Variants in TTBK2 observed in about 807,000 individuals in gnomAD.
TTBK2 encodes the protein tau-tubulin kinase 2.
Under a neutral mutation model 110.8 loss-of-function variants are expected in TTBK2, and 28 were observed. That is an observed-to-expected ratio of 0.25 (90% CI 0.19 to 0.35). TTBK2 has a LOEUF of 0.35. Ranked by LOEUF, TTBK2 falls within the 10% of genes least tolerant of loss-of-function variation. TTBK2 has a pLI of 1.00. For synonymous variants in TTBK2, 532 were observed against 527.3 expected (o/e 1.01, Z -0.12); for missense variants, 1,369 against 1,500.3 (o/e 0.91, Z 1.45).
chr15:42,862,646 T>C (rs770852243), intron 3 of TTBK2, among the ~76,000 whole-genome samples: 10 of 152,102 alleles, frequency 6.6e-5, no homozygotes, highest in Admixed American at 1.3e-4. Flanking sequence ...CCCAGCACTT[T>C]GGGAGGCGGA....
At chr15:42,902,303 C>T (rs1362464379) in intron 1 of TTBK2, among the ~76,000 whole-genome samples, 2 of 151,490 alleles carry the variant, frequency 1.3e-5, no homozygotes, top group Non-Finnish European at 2.9e-5. Context: ...GGTGGATCAC[C>T]TCAGGTCTGG....
At chr15:42,764,654 C>T (rs1018135455) in intron 13 of TTBK2, among the ~76,000 whole-genome samples, 3 of 152,268 alleles carry the variant, frequency 2.0e-5, no homozygotes, top group African/African-American at 4.8e-5. Context: ...CCTGCTGCCT[C>T]TGTAGACTCC....
rs531968291 is a variant in TTBK2 at position 42,900,646 on chromosome 15, C to T, written c.-68+19792G>A. 2.0e-5 allele frequency among the ~76,000 whole-genome samples: 3 copies of T among 151,894 alleles called. No individual in the cohort carries two copies. The South Asian group carries it at 6.2e-4, about 32-fold the overall frequency. ...CTGAGTCAGGAGAATCGCTTGAACC[C>T]GGGAGGTGGAGGTTGCAGCAGTGAG... On this transcript the variant is annotated intron_variant, in intron 1 of 14. Transcript: ENST00000267890.
intron 4 of TTBK2, among the ~76,000 whole-genome samples, chr15:42,837,645 G>C (rs1893044513): frequency 8.2e-6 from 1 of 121,676 alleles, no homozygotes; most frequent in Non-Finnish European, 1.6e-5. Flanking sequence ...GTGACAGAGT[G>C]AGACTCTGTC....
chr15:42,849,536 T>C (rs1431192094), intron 3 of TTBK2, among the ~76,000 whole-genome samples: 1 of 152,216 alleles, frequency 6.6e-6, no homozygotes, highest in Non-Finnish European at 1.5e-5. Context: ...TTCTGGACAT[T>C]TTGAATATTA....
rs141028057 is a variant in TTBK2, at chr15:42,810,812, C to T, written c.697-73G>A. 6.8e-4 allele frequency: 1,070 copies of T among 1,564,350 alleles called. 5 individuals are homozygous for T. The African/African-American group carries it at 0.013, about 19-fold the overall frequency. On this transcript the variant is annotated intron_variant, in intron 8 of 14. Transcript: ENST00000267890. ...TAGGCATTAAGAGCCCCTCAGTAAC[C>T]GTCTCAAGGGTATGTACTAGGGAAT...
chr15:42,827,951 T>C lies in TTBK2; in HGVS notation c.514A>G (p.Asn172Asp). Residue 172 changes from asparagine (N) to aspartate (D), a missense_variant, in exon 6 of 15, where the codon AAT (asparagine) becomes GAT (aspartate). Coordinates refer to ENST00000267890, the MANE Select transcript of TTBK2 (RefSeq NM_173500.4). ...LDFGLARQFTNSCGDVRPPRA... is the reference protein window; with the variant it reads ...LDFGLARQFTDSCGDVRPPRA... The stretch of plus-strand genomic sequence containing the variant: ...ACTGGTCTGACGTCACCACAGGAAT[T>C]GGTAAATTGTCGAGCCAAGCCAAAA... 6.2e-7 allele frequency: 1 copy of C among 1,613,586 alleles called. No individual in the cohort carries two copies. The highest frequency in any genetic ancestry group is 8.5e-7 in the Non-Finnish European group (1 of 1,179,742).
chr15:42,865,378 T>C (rs1430721978), intron 3 of TTBK2, among the ~76,000 whole-genome samples: 1 of 152,044 alleles, frequency 6.6e-6, no homozygotes, highest in Non-Finnish European at 1.5e-5. Context: ...GAGGATCACT[T>C]GAGCCCAGGA....
intron 10 of TTBK2, among the ~76,000 whole-genome samples, chr15:42,792,064 G>C (rs1341800029): frequency 1.3e-5 from 2 of 152,158 alleles, no homozygotes; most frequent in African/African-American, 4.8e-5. Context: ...TTGAACCTGA[G>C]AGGCGGAGGT....
chr15:42,827,060 G>GT (rs1567046440), intron 6 of TTBK2, among the ~76,000 whole-genome samples: 1 of 152,298 alleles, frequency 6.6e-6, no homozygotes, highest in South Asian at 2.1e-4. Context: ...AAACAATAAA[G>GT]TAACTGGCTT....
chr15:42,864,729 A>C (rs1411577173), intron 3 of TTBK2, among the ~76,000 whole-genome samples: 1 of 152,166 alleles, frequency 6.6e-6, no homozygotes, highest in Non-Finnish European at 1.5e-5. Context: ...CTTCTCTTAC[A>C]AGACATGTTA....
At chr15:42,837,357 CAA>C (rs962772134) in intron 4 of TTBK2, among the ~76,000 whole-genome samples, 21 of 56,284 alleles carry the variant, frequency 3.7e-4, no homozygotes, top group South Asian at 5.9e-4. Context: ...GACTCCATCT[CAA>C]AAAAAAAAAA....
chr15:42,810,968 C>T (rs1891687474), intron 8 of TTBK2, among the ~76,000 whole-genome samples: 2 of 152,054 alleles, frequency 1.3e-5, no homozygotes, highest in African/African-American at 4.8e-5. Context: ...ATCAGTGTAT[C>T]GATAGTCCCC....
chr15:42,779,464 G>A (rs781549090), intron 11 of TTBK2, among the ~76,000 whole-genome samples: 16 of 150,822 alleles, frequency 1.1e-4, no homozygotes, highest in Non-Finnish European at 1.6e-4. Flanking sequence ...TTTATATTTG[G>A]CATAAACTAT....
chr15:42,750,357 C>T (rs535831382), intron 14 of TTBK2, among the ~76,000 whole-genome samples: 30 of 151,658 alleles, frequency 2.0e-4, no homozygotes, highest in Non-Finnish European at 3.2e-4. Flanking sequence ...AAGAAAGACA[C>T]GGAGAAAGTC....
chr15:42,774,384 C>T (rs986057864), intron 13 of TTBK2, among the ~76,000 whole-genome samples: 11 of 152,140 alleles, frequency 7.2e-5, no homozygotes, highest in Non-Finnish European at 1.6e-4. Context: ...TCTGGCTTTT[C>T]TGGGGCTCCT....
chr15:42,768,820 AG>A (rs1167986096), intron 13 of TTBK2, among the ~76,000 whole-genome samples: 1 of 152,238 alleles, frequency 6.6e-6, no homozygotes, highest in Non-Finnish European at 1.5e-5. Flanking sequence ...CTAAGCCAAA[AG>A]AACAAAGCTG....
At chr15:42,835,781 A>T (rs532685598) in intron 4 of TTBK2, among the ~76,000 whole-genome samples, 6,630 of 152,244 alleles carry the variant, frequency 0.044, 194 homozygotes, top group Non-Finnish European at 0.061. Context: ...TATATAGATA[A>T]AATATGCCTT....
At chr15:42,887,824 T>G (rs538899578) in intron 1 of TTBK2, among the ~76,000 whole-genome samples, 1 of 152,282 alleles carries the variant, frequency 6.6e-6, no homozygotes, top group Admixed American at 6.5e-5. Flanking sequence ...GCAAATTACC[T>G]GGGCTGTACT....
Sources: allele counts gnomAD v4.1 joint callset (sites outside exome capture counted in the v4.1 genomes callset), GRCh38; gene constraint gnomAD v4.1.1; transcripts MANE v1.5; gene names NCBI Gene and HGNC (gene_info 2026-07-23, HGNC 2026-07-21).